BUB1: variants seen among roughly 807,000 people sequenced by gnomAD.
The protein encoded by BUB1 is BUB1 mitotic checkpoint serine/threonine kinase, also known as mitotic checkpoint serine/threonine-protein kinase BUB1.
In BUB1, 84 loss-of-function variants were observed where a neutral mutation model predicts 135.2. That is an observed-to-expected ratio of 0.62 (90% CI 0.52 to 0.74). BUB1 has a LOEUF of 0.74. BUB1 is among the 30% of genes least tolerant of loss of function. BUB1 has a pLI of 0.00. For synonymous variants in BUB1, 403 were observed against 434.4 expected (o/e 0.93, Z 0.90); for missense variants, 1,162 against 1,288.3 (o/e 0.90, Z 1.50).
Position 110,648,324 on chromosome 2 carries a change from T to C in BUB1, c.2347+910A>G, listed in dbSNP as rs1243769241. Among the ~76,000 whole-genome samples, 1 of 152,026 alleles carries C rather than the reference T, an allele frequency of 6.6e-6. No homozygotes were observed. Among genetic ancestry groups the C allele is most frequent in the Non-Finnish European group, 1.5e-5 (1 of 68,008 alleles). On this transcript the variant is annotated intron_variant, in intron 19 of 24. Coordinates refer to ENST00000302759, the MANE Select transcript of BUB1 (RefSeq NM_004336.5). The surrounding 1 kb of genome is among the most constrained non-coding windows in gnomAD (Gnocchi z 4.2). Reference sequence around the variant, plus strand: ...TATATACTATATGATTCCAACTATATGACATTATGGAAAAGGCAAAACTAC... The same window carrying C: ...TATATACTATATGATTCCAACTATACGACATTATGGAAAAGGCAAAACTAC...
rs1363711390 is a variant in BUB1, at chr2:110,641,339, G to A, written c.2751C>T (p.Asp917=). 1 of 1,612,210 alleles carries A rather than the reference G, an allele frequency of 6.2e-7. No individual in the cohort carries two copies. Among genetic ancestry groups the A allele is most frequent in the Non-Finnish European group, 8.5e-7 (1 of 1,179,306 alleles). Residue 917 remains aspartate (D), a synonymous_variant, in exon 22 of 25, where the codon GAC becomes GAT. Coordinates refer to ENST00000302759, the MANE Select transcript of BUB1 (RefSeq NM_004336.5). ...QVHDCEIIHG[D]IKPDNFILGN... is the part of the protein sequence containing the mutation. Reference sequence around the variant, plus strand: ...CAAGTATGAAATTGTCTGGTTTAATGTCTCCATGAATGATTTCACAGTCAT... The same window carrying A: ...CAAGTATGAAATTGTCTGGTTTAATATCTCCATGAATGATTTCACAGTCAT...
intron 15 of BUB1, among the ~76,000 whole-genome samples, 154 bp from the exon 16 acceptor site, chr2:110,656,070 G>A (rs1689926894): frequency 6.6e-6 from 1 of 152,170 alleles, no homozygotes; most frequent in Non-Finnish European, 1.5e-5. Context: ...TCATGGTTCA[G>A]TTCTTTTCCC....
rs183789067 is a variant in BUB1 at position 110,653,461 on chromosome 2, C to T, written c.1939G>A (p.Val647Met). The change falls in exon 17 of 25, where the codon GTG becomes ATG. Residue 647 changes from valine (V) to methionine (M), a missense_variant. By Grantham distance (21) the Val-to-Met change is conservative. Transcript: ENST00000302759. ...TLDSCEENMVVPSRDGKFSPI... is the reference protein window; with the variant it reads ...TLDSCEENMVMPSRDGKFSPI... ...CTGAATTTTCCATCCCTTGAAGGCA[C>T]CACCATGTTTTCCTCACAAGAATCC... 3.1e-6 allele frequency: 5 copies of T among 1,613,920 alleles called. No individual in the cohort carries two copies. The highest frequency in any genetic ancestry group is 1.7e-4 in the Middle Eastern group (1 of 6,060).
Position 110,667,643 on chromosome 2 carries a change from T to G in BUB1, c.683A>C (p.Lys228Thr), listed in dbSNP as rs763409561. 6.2e-7 allele frequency: 1 copy of G among 1,613,908 alleles called. No homozygotes were observed. The highest frequency in any genetic ancestry group is 1.7e-5 in the Admixed American group (1 of 59,994). Residue 228 changes from lysine (K) to threonine (T), a missense_variant, in exon 8 of 25, where the codon AAA becomes ACA. Physicochemically the swap from Lys to Thr is moderately conservative, Grantham distance 78. Coordinates refer to ENST00000302759, the MANE Select transcript of BUB1 (RefSeq NM_004336.5). ...CATAACAACCTGCTCAACATCAACT[T>G]TGGATGCCAAAGATGAGTGCACAGA... ...EYSVHSSLAS[K>T]VDVEQVVMYC...
In BUB1 at chr2:110,649,327, A is replaced by G. The variant is rs770939889; in HGVS notation, c.2254T>C (p.Ser752Pro). 100 of 1,611,182 alleles carry G rather than the reference A, an allele frequency of 6.2e-5. No homozygotes were observed. The highest frequency in any genetic ancestry group is 8.1e-5 in the Non-Finnish European group (95 of 1,178,328). Residue 752 changes from serine (S) to proline (P), a missense_variant, in exon 19 of 25, where the codon TCT becomes CCT. Ser to Pro is a moderately conservative substitution (Grantham distance 74). Transcript: ENST00000302759. ...GAACTCACTGGTTTAGAAAGCCCAG[A>G]TAAAAGTTTGAAAATCAGCTTATCA... ...WDDKLIFKLL[S>P]GLSKPVSSYP...
intron 3 of BUB1, 65 bp downstream of exon 3, chr2:110,674,021 C>G: frequency 7.8e-7 from 1 of 1,286,558 alleles, no homozygotes; most frequent in African/African-American, 1.5e-5. Context: ...ATCTTACAAT[C>G]TAAGTTTAAA....
Position 110,637,965 on chromosome 2 carries a change from T to C in BUB1, c.3257A>G (p.Ter1086=). 6.8e-7 allele frequency: 1 copy of C among 1,476,182 alleles called. No homozygotes were observed. Among genetic ancestry groups the C allele is most frequent in the Non-Finnish European group, 9.0e-7 (1 of 1,108,122 alleles). The allele number at this position is 1,476,182 out of a possible 1,614,324, so 91.4% of individuals were successfully genotyped here. A position where few individuals can be genotyped will look rare whatever the true frequency, so the allele number is the denominator to read the frequency against. ...LLLECKRSRK[*] ...TTAAGGACTGTCTATATCCAAATTT[T>C]ATTTTCGTGAACGCTTACATTCTAA... is the stretch of plus-strand genomic sequence containing the variant. Residue 1086 remains the stop codon, a stop_retained_variant, in exon 25 of 25, where the codon TAA becomes TGA. Coordinates refer to ENST00000302759, the MANE Select transcript of BUB1 (RefSeq NM_004336.5).
chr2:110,677,001 T>G (rs2104566050), intron 1 of BUB1, among the ~76,000 whole-genome samples: 1 of 152,350 alleles, frequency 6.6e-6, no homozygotes, highest in South Asian at 2.1e-4. Context: ...TTCAGAACCT[T>G]TCTTCCAAAA....
chr2:110,650,395 A>G, intron 18 of BUB1, 151 bp downstream of exon 18: 1 of 658,674 alleles, frequency 1.5e-6, no homozygotes. Context: ...CTGTTACTCC[A>G]TTGTGATGCA....
At chr2:110,647,582 A>T (rs1406793591) in intron 19 of BUB1, among the ~76,000 whole-genome samples, 3 of 152,160 alleles carry the variant, frequency 2.0e-5, no homozygotes, top group African/African-American at 7.2e-5. Flanking sequence ...TCAGCAAACT[A>T]GGAATAGAGA....
intron 19 of BUB1, among the ~76,000 whole-genome samples, chr2:110,644,478 C>CAAAA (rs57312823): frequency 1.6e-5 from 1 of 63,158 alleles, no homozygotes; most frequent in Non-Finnish European, 3.7e-5. Flanking sequence ...AACCCCGTCT[C>CAAAA]AAAAAAAAAA....
rs5833370 is a variant in BUB1 at position 110,637,585 on chromosome 2, AGTGTGTGT to A, written c.*371_*378del. 65 of 147,662 alleles carry A rather than the reference AGTGTGTGT, an allele frequency of 4.4e-4. No homozygotes were observed. In the South Asian group the frequency reaches 8.4e-3, roughly 19 times the overall value. The allele number at this position is 147,662 out of a possible 1,614,324, so 9.1% of individuals were successfully genotyped here. A position where few individuals can be genotyped will look rare whatever the true frequency, so the allele number is the denominator to read the frequency against. On this transcript the variant is annotated 3_prime_UTR_variant, in exon 25 of 25. Coordinates refer to ENST00000302759, the MANE Select transcript of BUB1 (RefSeq NM_004336.5). Reference sequence around the variant, plus strand: ...TGAAGTCCCTTGGAAATGTTAGGGAAGTGTGTGTGTGTGTGTGTGTGTGTGTGTGTGTG... The same window carrying A: ...TGAAGTCCCTTGGAAATGTTAGGGAAGTGTGTGTGTGTGTGTGTGTGTGTG...
At chr2:110,656,039 T>C in intron 15 of BUB1, 123 bp from the exon 16 acceptor site, 1 of 865,698 alleles carries the variant, frequency 1.2e-6, no homozygotes, top group South Asian at 1.9e-5. Flanking sequence ...TGTCAACCCC[T>C]GGCTAATACA....
chr2:110,639,404 A>G (rs1574312119), intron 24 of BUB1, among the ~76,000 whole-genome samples: 1 of 149,972 alleles, frequency 6.7e-6, no homozygotes. Flanking sequence ...CAAAAAAAAA[A>G]AAAAGAAAAA....
chr2:110,677,961 G>A lies in BUB1; in HGVS notation c.26+9C>T. On this transcript the variant is annotated intron_variant, in intron 1 of 24. Coordinates refer to ENST00000302759, the MANE Select transcript of BUB1 (RefSeq NM_004336.5). ...CTGGGCTTCCCCACCCCACCAGACGGACACTTACTGAAGGACATTTTCCGG... is the reference window on the plus strand; with the variant it reads ...CTGGGCTTCCCCACCCCACCAGACGAACACTTACTGAAGGACATTTTCCGG... The A allele has an allele frequency of 6.2e-7, 1 of 1,608,360 alleles. No individual in the cohort carries two copies. Among genetic ancestry groups the A allele is most frequent in the Non-Finnish European group, 8.5e-7 (1 of 1,177,680 alleles).
rs564595922 is a variant in BUB1, at chr2:110,660,363, C to T, written c.1218-327G>A. On this transcript the variant is annotated intron_variant, in intron 10 of 24. Coordinates refer to ENST00000302759, the MANE Select transcript of BUB1 (RefSeq NM_004336.5). ...TGCACTCCAGCCTGGGCAACAAGAG[C>T]GAGACTCCATCTCAAAACAAAAAAA... Among the ~76,000 whole-genome samples, 17 of 150,930 alleles carry T rather than the reference C, an allele frequency of 1.1e-4. No individual in the cohort carries two copies. The South Asian group carries it at 2.9e-3, about 26-fold the overall frequency.
intron 4 of BUB1, among the ~76,000 whole-genome samples, chr2:110,671,449 A>G (rs1690419995): frequency 1.3e-5 from 2 of 152,196 alleles, no homozygotes; most frequent in Admixed American, 6.5e-5. Flanking sequence ...TGTGTGTTTG[A>G]AAAATCTCAA....
At chr2:110,662,794 C>G (rs1690133565) in intron 9 of BUB1, among the ~76,000 whole-genome samples, 3 of 151,516 alleles carry the variant, frequency 2.0e-5, no homozygotes, top group Non-Finnish European at 4.4e-5. Context: ...AGAGTGAGCC[C>G]CTGCCTCAAA....
rs1418103126 is a variant in BUB1, at chr2:110,638,062, GC to G, written c.3159del (p.Lys1053AsnfsTer2). ...TAGTGTTGTTGAAATACTTTCTTCA[GC>G]TTTTGCCTTAACAAATCCAAAGATG... ...HLPSLDLLRQ[K>X]LKKVFQQHYT... On this transcript the variant is annotated frameshift_variant, in exon 25 of 25. Transcript: ENST00000302759. LOFTEE classifies it high-confidence loss of function. 5 of 1,612,302 alleles carry G rather than the reference GC, an allele frequency of 3.1e-6. No individual in the cohort carries two copies. The highest frequency in any genetic ancestry group is 4.2e-6 in the Non-Finnish European group (5 of 1,179,244).
Sources: allele counts gnomAD v4.1 joint callset (sites outside exome capture counted in the v4.1 genomes callset), GRCh38; gene constraint gnomAD v4.1.1; non-coding constraint Gnocchi (gnomAD v3.1); transcripts MANE v1.5; gene names NCBI Gene and HGNC (gene_info 2026-07-23, HGNC 2026-07-21).